Variants in HDAC9 observed in about 807,000 individuals in gnomAD.
HDAC9 encodes MEF-2 interacting transcription repressor (MITR) protein.
Under a neutral mutation model 139.4 loss-of-function variants are expected in HDAC9, and 41 were observed. The ratio of observed to expected loss-of-function variants is 0.29; its 90% CI spans 0.23 to 0.38. The LOEUF is 0.38. HDAC9 is among the 10% of genes least tolerant of loss of function. The pLI is 1.00. For missense variants in HDAC9, 1,147 were observed against 1,297.0 expected (o/e 0.88, Z 1.78); for synonymous variants, 517 against 476.2 (o/e 1.09, Z -1.12).
At chr7:18,179,157 T>A (rs1789188476) in intron 2 of HDAC9, among the ~76,000 whole-genome samples, 1 of 152,240 alleles carries the variant, frequency 6.6e-6, no homozygotes, top group Non-Finnish European at 1.5e-5. Flanking sequence ...GCACTGCATG[T>A]CTTTCATTCA....
intron 2 of HDAC9, among the ~76,000 whole-genome samples, chr7:18,511,650 C>T (rs1277812300): frequency 6.6e-6 from 1 of 152,024 alleles, no homozygotes; most frequent in African/African-American, 2.4e-5. Context: ...GTTTAGTGGA[C>T]ACAGGAGACA....
intron 1 of HDAC9, among the ~76,000 whole-genome samples, chr7:18,437,531 A>G (rs561428217): frequency 4.2e-4 from 63 of 149,570 alleles, no homozygotes; most frequent in African/African-American, 1.3e-3. Context: ...GATAATGTGT[A>G]TATATATATA....
At chr7:18,715,479 G>T (rs1046647403) in intron 12 of HDAC9, among the ~76,000 whole-genome samples, 27 of 152,092 alleles carry the variant, frequency 1.8e-4, no homozygotes, top group African/African-American at 6.3e-4. Context: ...CTTTTCTTGA[G>T]TTAGACATGC....
At chr7:18,489,549 A>G (rs1384360816) in intron 1 of HDAC9, among the ~76,000 whole-genome samples, 1 of 152,008 alleles carries the variant, frequency 6.6e-6, no homozygotes, top group African/African-American at 2.4e-5. Context: ...AAATTTAGTT[A>G]CAGAGTTTCT....
chr7:18,531,423 TC>T (rs1293299062), intron 2 of HDAC9, among the ~76,000 whole-genome samples: 1 of 152,192 alleles, frequency 6.6e-6, no homozygotes, highest in African/African-American at 2.4e-5. Flanking sequence ...GAATGATTTA[TC>T]TTAATTTAAT....
rs147120371 is a variant in HDAC9, at chr7:18,687,610, T to G, written c.1731+21134T>G. Among the ~76,000 whole-genome samples the G allele has an allele frequency of 2.0e-4, 31 of 151,968 alleles. 1 individual carries two copies. The East Asian group carries it at 6.0e-3, about 29-fold the overall frequency. ...TTATTTTGGCAATATTCAGGTATCT[T>G]TGATATTCACTATGGAATAAATTAT... On this transcript the variant is annotated intron_variant, in intron 12 of 25. Coordinates refer to ENST00000686413, the MANE Select transcript of HDAC9 (RefSeq NM_178425.4).
Position 18,876,439 on chromosome 7 carries a change from T to C in HDAC9, c.2803+1843T>C, listed in dbSNP as rs544106450. ...TCAAGCAGACATATTTTAAGTGATA[T>C]CATACTTTACCTTTTGCGTATTTGC... On this transcript the variant is annotated intron_variant, in intron 22 of 25. Coordinates refer to ENST00000686413, the MANE Select transcript of HDAC9 (RefSeq NM_178425.4). 3.0e-4 allele frequency among the ~76,000 whole-genome samples: 46 copies of C among 152,298 alleles called. No individual in the cohort carries two copies. In the South Asian group the frequency reaches 5.6e-3, roughly 19 times the overall value.
At chr7:18,417,438 G>T (rs1789187401) in intron 1 of HDAC9, among the ~76,000 whole-genome samples, 2 of 151,930 alleles carry the variant, frequency 1.3e-5, no homozygotes. Flanking sequence ...ATATTTTTCT[G>T]CTTTTTAACA....
chr7:18,878,922 C>T (rs1799522203), intron 22 of HDAC9, among the ~76,000 whole-genome samples: 1 of 152,152 alleles, frequency 6.6e-6, no homozygotes, highest in South Asian at 2.1e-4. Context: ...ACAGTCTTGG[C>T]CCAAAAGCTC....
At chr7:18,816,987 G>C (rs971195590) in intron 17 of HDAC9, among the ~76,000 whole-genome samples, 22 of 151,662 alleles carry the variant, frequency 1.5e-4, no homozygotes, top group African/African-American at 5.3e-4. Flanking sequence ...AATAAAAGGG[G>C]GAAAATTCTT....
At chr7:18,290,723 G>T (rs958562006) in intron 1 of HDAC9, among the ~76,000 whole-genome samples, 3 of 152,160 alleles carry the variant, frequency 2.0e-5, no homozygotes, top group African/African-American at 7.2e-5. Context: ...ATTCAACTCT[G>T]AGAATGCCTT....
intron 23 of HDAC9, among the ~76,000 whole-genome samples, chr7:18,940,324 A>G (rs1781939298): frequency 1.3e-5 from 2 of 152,204 alleles, no homozygotes; most frequent in African/African-American, 2.4e-5. Flanking sequence ...TTTCAGAAAT[A>G]TGTACAAGGT....
intron 2 of HDAC9, among the ~76,000 whole-genome samples, chr7:18,188,341 A>C (rs1001859559): frequency 2.2e-4 from 34 of 152,202 alleles, no homozygotes; most frequent in Admixed American, 2.2e-3. Flanking sequence ...CTTATACAAA[A>C]ATTAATTCAA....
chr7:18,556,239 G>T (rs1416578281), intron 2 of HDAC9, among the ~76,000 whole-genome samples: 9 of 151,978 alleles, frequency 5.9e-5, no homozygotes, highest in Admixed American at 4.6e-4. Flanking sequence ...TAAAGATAGG[G>T]TAAGATTTCA....
At chr7:18,201,189 T>C (rs1171684619) in intron 2 of HDAC9, among the ~76,000 whole-genome samples, 1 of 152,186 alleles carries the variant, frequency 6.6e-6, no homozygotes. Context: ...TCTCAGATTT[T>C]GTACCTCTGG....
intron 7 of HDAC9, among the ~76,000 whole-genome samples, chr7:18,632,112 A>G (rs1782539063): frequency 1.3e-5 from 2 of 152,022 alleles, no homozygotes; most frequent in South Asian, 4.1e-4. Flanking sequence ...GTCATATTGT[A>G]AAGACGAGAG....
intron 2 of HDAC9, among the ~76,000 whole-genome samples, chr7:18,272,818 ATTTATCT>A (rs2128214661): frequency 6.6e-6 from 1 of 152,104 alleles, no homozygotes; most frequent in South Asian, 2.1e-4. Flanking sequence ...TAATTCTCAG[ATTTATCT>A]GGAAGAGTAA....
upstream of HDAC9, among the ~76,000 whole-genome samples, chr7:18,289,686 T>A (rs1797687196): frequency 6.6e-6 from 1 of 152,146 alleles, no homozygotes; most frequent in Non-Finnish European, 1.5e-5. Flanking sequence ...GAAAATTGCA[T>A]CATCTAGGGT....
intron 1 of HDAC9, among the ~76,000 whole-genome samples, chr7:18,302,843 G>T (rs1004760275): frequency 6.6e-6 from 1 of 152,174 alleles, no homozygotes; most frequent in African/African-American, 2.4e-5. Flanking sequence ...GATACTGACA[G>T]ATATTAAACA....
Sources: allele counts gnomAD v4.1 joint callset (sites outside exome capture counted in the v4.1 genomes callset), GRCh38; gene constraint gnomAD v4.1.1; transcripts MANE v1.5; gene names NCBI Gene and HGNC (gene_info 2026-07-23, HGNC 2026-07-21).